The following CALN1 variants were observed in gnomAD, a reference collection of about 807,000 sequenced individuals.
CALN1 encodes the protein calneuron 1.
In CALN1, 17 loss-of-function variants were observed where a neutral mutation model predicts 30.6. The ratio of observed to expected loss-of-function variants is 0.56; its 90% CI spans 0.38 to 0.83. CALN1 has a LOEUF of 0.83. Among genes scored for constraint, CALN1 ranks in the 40% least tolerant of loss-of-function variants. The pLI is 0.00. For missense variants in CALN1, 291 were observed against 354.9 expected (o/e 0.82, Z 1.45); for synonymous variants, 156 against 131.4 (o/e 1.19, Z -1.28).
rs1396742131 is a variant in CALN1, at chr7:71,779,858, T to C, written c.*7917A>G. The C allele has an allele frequency of 1.3e-5, 2 of 152,340 alleles. No homozygotes were observed. The highest frequency in any genetic ancestry group is 4.8e-5 in the African/African-American group (2 of 41,574). 9.4% of individuals were successfully genotyped at this position (152,340 alleles called of 1,614,324 possible). On this transcript the variant is annotated 3_prime_UTR_variant, in exon 7 of 7. Transcript: ENST00000395275. Reference sequence around the variant, plus strand: ...TGAGTTCCGTCTTAGTGGCTTATTCTGGATATGAGAGCTGCCAAGCTCCAA... The same window carrying C: ...TGAGTTCCGTCTTAGTGGCTTATTCCGGATATGAGAGCTGCCAAGCTCCAA...
At chr7:72,459,795 T>C in the CALN1 span, among the ~76,000 whole-genome samples, 1 of 152,198 alleles carries the variant, frequency 6.6e-6, no homozygotes, top group Admixed American at 6.5e-5. Context: ...GTGTATGGAA[T>C]ACAGGCGTGC....
Position 72,255,977 on chromosome 7 carries a change from C to T in CALN1, c.244+22709G>A, listed in dbSNP as rs559297658. On this transcript the variant is annotated intron_variant, in intron 3 of 6. Transcript: ENST00000395275. ...ACTCCTGACCTCGTGATCCACCCGC[C>T]TCGGCCTCCCAAGGTGCTGGGATTA... Among the ~76,000 whole-genome samples the T allele has an allele frequency of 6.2e-4, 94 of 152,340 alleles. 2 individuals carry two copies. In the South Asian group the frequency reaches 0.019, roughly 31 times the overall value.
At chr7:71,909,778 G>C (rs556180192) in intron 5 of CALN1, among the ~76,000 whole-genome samples, 1 of 152,264 alleles carries the variant, frequency 6.6e-6, no homozygotes, top group African/African-American at 2.4e-5. Context: ...CATTTGTCAG[G>C]ACTGTTGAGT....
intron 3 of CALN1, among the ~76,000 whole-genome samples, chr7:72,179,324 G>A (rs767857842): frequency 2.2e-4 from 33 of 152,150 alleles, no homozygotes; most frequent in Non-Finnish European, 4.4e-4. Flanking sequence ...TTTTTTAAAT[G>A]TCATACAATT....
the CALN1 span, among the ~76,000 whole-genome samples, chr7:72,487,884 G>GAAA: frequency 1.9e-5 from 1 of 53,432 alleles, no homozygotes; most frequent in Non-Finnish European, 3.3e-5. Context: ...AAGAAAGAAA[G>GAAA]AAAAGAAAAG....
intron 4 of CALN1, among the ~76,000 whole-genome samples, chr7:72,076,997 G>A (rs1473147461): frequency 6.6e-6 from 1 of 150,532 alleles, no homozygotes; most frequent in African/African-American, 2.4e-5. Flanking sequence ...CTCTTTCTCT[G>A]CCTCTTGCTA....
At chr7:71,827,779 T>A (rs201843726) in intron 5 of CALN1, among the ~76,000 whole-genome samples, 228 of 84,428 alleles carry the variant, frequency 2.7e-3, no homozygotes, top group East Asian at 0.019. Flanking sequence ...CTTAAAAAAA[T>A]AAATAAATAA....
intron 5 of CALN1, among the ~76,000 whole-genome samples, chr7:71,950,995 T>G (rs1240961715): frequency 6.6e-6 from 1 of 152,180 alleles, no homozygotes; most frequent in Non-Finnish European, 1.5e-5. Context: ...CCCCCGTCTA[T>G]CCCCGTTTTA....
intron 5 of CALN1, among the ~76,000 whole-genome samples, chr7:71,917,699 T>C (rs1349501327): frequency 2.0e-5 from 3 of 146,902 alleles, no homozygotes; most frequent in Non-Finnish European, 4.6e-5. Flanking sequence ...CATCAGATCA[T>C]GAGACTCACT....
intron 4 of CALN1, among the ~76,000 whole-genome samples, chr7:72,067,232 A>C (rs1427995287): frequency 6.6e-6 from 1 of 152,166 alleles, no homozygotes; most frequent in Non-Finnish European, 1.5e-5. Context: ...CTACAGAGCC[A>C]AAATAGGTTT....
chr7:72,383,384 T>C (rs1191208928), intron 2 of CALN1, among the ~76,000 whole-genome samples: 1 of 152,196 alleles, frequency 6.6e-6, no homozygotes, highest in Non-Finnish European at 1.5e-5. Flanking sequence ...CCACCAAAAG[T>C]GTATGAGCGT....
At chr7:72,294,777 TAA>T in intron 2 of CALN1, among the ~76,000 whole-genome samples, 1 of 151,268 alleles carries the variant, frequency 6.6e-6, no homozygotes, top group South Asian at 2.1e-4. Context: ...AATAAATAAA[TAA>T]ATACAGATTT....
intron 5 of CALN1, among the ~76,000 whole-genome samples, chr7:71,924,086 G>A (rs1386552444): frequency 5.9e-5 from 9 of 151,718 alleles, no homozygotes; most frequent in Non-Finnish European, 7.4e-5. Flanking sequence ...CCAGCTACTC[G>A]CGGGGCTGAC....
the CALN1 span, among the ~76,000 whole-genome samples, chr7:72,470,598 C>G: frequency 6.6e-6 from 1 of 152,100 alleles, no homozygotes; most frequent in African/African-American, 2.4e-5. Context: ...GTAGAAGAGA[C>G]AATTTTTCTT....
At chr7:71,817,729 T>C (rs556676291) in intron 5 of CALN1, among the ~76,000 whole-genome samples, 10 of 152,164 alleles carry the variant, frequency 6.6e-5, no homozygotes, top group Middle Eastern at 3.2e-3. Context: ...TTGGCCAGGA[T>C]GGTCTCGATC....
chr7:71,936,785 C>A (rs1173060650), intron 5 of CALN1, among the ~76,000 whole-genome samples: 2 of 152,122 alleles, frequency 1.3e-5, no homozygotes. Flanking sequence ...CCCATAATTC[C>A]CATGTGTTAT....
At chr7:72,316,203 T>C (rs1800435154) in intron 2 of CALN1, among the ~76,000 whole-genome samples, 1 of 151,544 alleles carries the variant, frequency 6.6e-6, no homozygotes, top group Non-Finnish European at 1.5e-5. Flanking sequence ...CTTACAGATG[T>C]GCAATATTTT....
intron 2 of CALN1, among the ~76,000 whole-genome samples, chr7:72,314,768 G>A (rs937181413): frequency 6.6e-6 from 1 of 151,404 alleles, no homozygotes; most frequent in African/African-American, 2.4e-5. Context: ...TAATCTCAGG[G>A]ATGGGGAGGA....
chr7:72,391,810 G>C (rs530049570), intron 2 of CALN1, among the ~76,000 whole-genome samples: 15 of 152,176 alleles, frequency 9.9e-5, no homozygotes, highest in Middle Eastern at 6.8e-3. Flanking sequence ...ACATGGAACT[G>C]TGGGTCCATG....
Sources: gnomAD v4.1 joint callset for allele counts (sites outside exome capture counted in the v4.1 genomes callset) on GRCh38, gnomAD v4.1.1 for gene constraint, MANE v1.5 for transcripts, NCBI Gene and HGNC (gene_info 2026-07-23, HGNC 2026-07-21) for gene names.